PKD2L1: variants seen among roughly 807,000 people sequenced by gnomAD.
PKD2L1 encodes the protein polycystin-2-like protein 1.
In PKD2L1, 77 loss-of-function variants were observed where a neutral mutation model predicts 93.0. The ratio of observed to expected loss-of-function variants is 0.83; its 90% CI spans 0.69 to 1.00. The LOEUF (loss-of-function observed/expected upper bound fraction) is 1.00, where lower values mean the gene tolerates loss of function less well. Ranked by LOEUF, PKD2L1 falls within the 50% of genes least tolerant of loss-of-function variation. The pLI, the probability that PKD2L1 is intolerant of heterozygous loss-of-function variation, is 0.00. For missense variants in PKD2L1, 977 were observed against 990.9 expected (o/e 0.99, Z 0.19); for synonymous variants, 390 against 388.0 (o/e 1.01, Z -0.06).
At chr10:100,310,342 C>CAACAAACA (rs113540923) in intron 2 of PKD2L1, among the ~76,000 whole-genome samples, 1 of 151,948 alleles carries the variant, frequency 6.6e-6, no homozygotes, top group Non-Finnish European at 1.5e-5. Flanking sequence ...CTGTCTCAAA[C>CAACAAACA]AACAAACAAA....
chr10:100,297,460 C>T lies in PKD2L1; in HGVS notation c.878G>A (p.Trp293Ter), dbSNP rs749125630. Residue 293 changes from tryptophan to a stop codon, truncating the protein, a stop_gained, in exon 5 of 16, where the codon TGG becomes TAG. Transcript: ENST00000318222. LOFTEE classifies it high-confidence loss of function. ...CACCACTCGAGTGCCCCTGTCCAGC[C>T]ACAGCCCCTCCTGAAGGGCCCGGAG... ...EALRALQEGL[W>*]LDRGTRVVFI... The T allele has an allele frequency of 2.3e-5, 37 of 1,614,048 alleles. 2 individuals are homozygous for T. The South Asian group carries it at 3.8e-4, about 17-fold the overall frequency.
At chr10:100,327,766 C>T (rs766052201) in intron 2 of PKD2L1, among the ~76,000 whole-genome samples, 12 of 152,158 alleles carry the variant, frequency 7.9e-5, no homozygotes, top group African/African-American at 1.2e-4. Flanking sequence ...TACATTGGGC[C>T]GGCCGTTGTT....
At position 100,298,515 on chromosome 10, in the gene PKD2L1, G is replaced by T. The variant is rs760158901; in HGVS notation, c.731+47C>A. ...TTCCCAGACCTTGGGATGGTGTCAG[G>T]TTTAGAGGGGCAAGCCCTGTGATAT... On this transcript the variant is annotated intron_variant, in intron 4 of 15. Transcript: ENST00000318222. The T allele has an allele frequency of 2.5e-6, 4 of 1,598,028 alleles. No homozygotes were observed. In the South Asian group the frequency reaches 4.5e-5, roughly 18 times the overall value.
At chr10:100,296,724 G>T (rs1170356838) in intron 6 of PKD2L1, among the ~76,000 whole-genome samples, 2 of 151,128 alleles carry the variant, frequency 1.3e-5, no homozygotes, top group African/African-American at 4.9e-5. Flanking sequence ...GAGAGGAGCA[G>T]AATATAGTAC....
At chr10:100,301,583 G>A (rs184050867) in intron 2 of PKD2L1, among the ~76,000 whole-genome samples, 35 of 152,110 alleles carry the variant, frequency 2.3e-4, no homozygotes, top group Non-Finnish European at 4.1e-4. Flanking sequence ...TGTCCTGCCC[G>A]GCCCACAGGC....
Position 100,319,655 on chromosome 10 carries a change from G to A in PKD2L1, c.349+9556C>T, listed in dbSNP as rs183115330. Among the ~76,000 whole-genome samples the A allele has an allele frequency of 2.9e-3, 449 of 152,344 alleles. 3 individuals carry two copies. Among genetic ancestry groups the A allele is most frequent in the Admixed American group, 8.4e-3 (128 of 15,306 alleles). ...GAACCTTGAAATCCACTAAAAGAAA[G>A]CAGAGTAAAGAGAGGCATGCATTTC... On this transcript the variant is annotated intron_variant, in intron 2 of 15. Coordinates refer to ENST00000318222, the MANE Select transcript of PKD2L1 (RefSeq NM_016112.3).
chr10:100,299,564 G>C, intron 3 of PKD2L1, 27 bp downstream of exon 3: 1 of 1,609,162 alleles, frequency 6.2e-7, no homozygotes, highest in South Asian at 1.1e-5. Flanking sequence ...AAAGAGAGGG[G>C]AGGGGTAGAA....
At chr10:100,297,733 T>TGTGTGTGTGTGC in intron 4 of PKD2L1, 127 bp from the exon 5 acceptor site, 2 of 596,928 alleles carry the variant, frequency 3.4e-6, no homozygotes. Flanking sequence ...TGTGTGTGTG[T>TGTGTGTGTGTGC]GTGTGTGTGT....
In PKD2L1 at chr10:100,298,704, C is replaced by G. The variant is rs1848607759; in HGVS notation, c.589G>C (p.Val197Leu). The change falls in exon 4 of 16, where the codon GTT (valine) becomes CTT (leucine). Residue 197 changes from valine to leucine, a missense_variant. Physicochemically the swap from Val to Leu is conservative, Grantham distance 32. Coordinates refer to ENST00000318222, the MANE Select transcript of PKD2L1 (RefSeq NM_016112.3). Reference protein sequence around the residue: ...FIYYENMLLGVPRLRQLKVRN... With the variant: ...FIYYENMLLGLPRLRQLKVRN... ...ACCTTTAGCTGCCGCAGCCTCGGAACCCCCAGCAGCATGTTCTCATAGTAG... is the reference window on the plus strand; with the variant it reads ...ACCTTTAGCTGCCGCAGCCTCGGAAGCCCCAGCAGCATGTTCTCATAGTAG... The G allele has an allele frequency of 6.2e-7, 1 of 1,613,986 alleles. No homozygotes were observed. The highest frequency in any genetic ancestry group is 8.5e-7 in the Non-Finnish European group (1 of 1,180,016).
rs1308594813 is a variant in PKD2L1 at position 100,321,893 on chromosome 10, AG to A, written c.349+7317del. On this transcript the variant is annotated intron_variant, in intron 2 of 15. Transcript: ENST00000318222. ...CAGGCAGGCAGGGAGGGAGGGAGGGAGGGAAGGAAGCAAGGAAGGAAGGAAG... is the reference window on the plus strand; with the variant it reads ...CAGGCAGGCAGGGAGGGAGGGAGGGAGGAAGGAAGCAAGGAAGGAAGGAAG... Among the ~76,000 whole-genome samples, 6 of 79,918 alleles carry A rather than the reference AG, an allele frequency of 7.5e-5. 2 individuals carry two copies. Among genetic ancestry groups the A allele is most frequent in the Non-Finnish European group, 8.4e-5 (3 of 35,736 alleles). The allele number at this position is 79,918 out of a possible 152,430, so 52.4% of individuals were successfully genotyped here. A position where few individuals can be genotyped will look rare whatever the true frequency, so the allele number is the denominator to read the frequency against.
rs145443922 is a variant in PKD2L1, at chr10:100,305,324, G to C, written c.350-5606C>G. On this transcript the variant is annotated intron_variant, in intron 2 of 15. Transcript: ENST00000318222. ...GACAGGGGTTTCACCATGTTGACCA[G>C]GCTGGTCTCGAACTCCTGACCTCAA... Among the ~76,000 whole-genome samples the C allele has an allele frequency of 9.6e-3, 1,460 of 152,192 alleles. 34 individuals carry two copies. The highest frequency in any genetic ancestry group is 0.012 in the Non-Finnish European group (791 of 68,028).
At chr10:100,293,173 G>T in intron 10 of PKD2L1, 104 bp from the exon 11 acceptor site, 1 of 1,557,100 alleles carries the variant, frequency 6.4e-7, no homozygotes, top group Non-Finnish European at 8.8e-7. Flanking sequence ...TAAATTTAAA[G>T]GCACACAAGG....
chr10:100,303,429 C>A (rs1287286028), intron 2 of PKD2L1, among the ~76,000 whole-genome samples: 1 of 152,144 alleles, frequency 6.6e-6, no homozygotes, highest in Non-Finnish European at 1.5e-5. Flanking sequence ...GGTGATCCGC[C>A]CGCCTCGGCC....
At chr10:100,303,225 C>G (rs1241121692) in intron 2 of PKD2L1, among the ~76,000 whole-genome samples, 1 of 116,640 alleles carries the variant, frequency 8.6e-6, no homozygotes, top group African/African-American at 3.2e-5. Context: ...CGGAGTTTCA[C>G]TCTTGTTGTC....
In PKD2L1 at chr10:100,297,574, C is replaced by A. The variant is rs759786138; in HGVS notation, c.764G>T (p.Gly255Val). ...TGTGAGCCTGCCCCAGTGGGAGAAG[C>A]CCCCCAACTCATCCTGCGAGTGGTA... ...WTYHSQDELG[G>V]FSHWGRLTSY... The change falls in exon 5 of 16, where the codon GGC (glycine) becomes GTC (valine). Residue 255 changes from glycine (G) to valine (V), a missense_variant. By Grantham distance (109) the Gly-to-Val change is moderately radical. Transcript: ENST00000318222. 6.2e-7 allele frequency: 1 copy of A among 1,613,720 alleles called. No individual in the cohort carries two copies. Among genetic ancestry groups the A allele is most frequent in the Non-Finnish European group, 8.5e-7 (1 of 1,179,930 alleles).
chr10:100,295,143 C>A lies in PKD2L1; in HGVS notation c.1357-20G>T. On this transcript the variant is annotated intron_variant, in intron 7 of 15. Coordinates refer to ENST00000318222, the MANE Select transcript of PKD2L1 (RefSeq NM_016112.3). ...GAATATCTGGAAGGACCATGTTGAA[C>A]CAAGGGATGAAGAAGGAAAAGGGAA... 6.2e-7 allele frequency: 1 copy of A among 1,604,716 alleles called. No homozygotes were observed. The highest frequency in any genetic ancestry group is 8.5e-7 in the Non-Finnish European group (1 of 1,173,130).
chr10:100,312,442 A>C (rs550886993), intron 2 of PKD2L1, among the ~76,000 whole-genome samples: 1 of 152,196 alleles, frequency 6.6e-6, no homozygotes, highest in African/African-American at 2.4e-5. Flanking sequence ...AAAAATGGAA[A>C]TGAATCCAAG....
chr10:100,320,079 C>T (rs2133568215), intron 2 of PKD2L1, among the ~76,000 whole-genome samples: 1 of 152,308 alleles, frequency 6.6e-6, no homozygotes, highest in South Asian at 2.1e-4. Context: ...AGGACTGACT[C>T]CATCCCTCAG....
intron 5 of PKD2L1, 26 bp downstream of exon 5, chr10:100,297,356 T>C: frequency 6.3e-7 from 1 of 1,585,478 alleles, no homozygotes; most frequent in Non-Finnish European, 8.7e-7. Context: ...ATGGACAGGG[T>C]GATAAAGTAG....
Sources: allele counts gnomAD v4.1 joint callset (sites outside exome capture counted in the v4.1 genomes callset), GRCh38; gene constraint gnomAD v4.1.1; transcripts MANE v1.5; gene names NCBI Gene and HGNC (gene_info 2026-07-23, HGNC 2026-07-21).